The following PRTG variants were observed in gnomAD, a reference collection of about 807,000 sequenced individuals.
PRTG encodes the protein protogenin, also known as immunoglobulin superfamily, DCC subclass, member 5.
Under a neutral mutation model 122.5 loss-of-function variants are expected in PRTG, and 67 were observed. The observed-to-expected ratio is 0.55, with a 90% CI of 0.45 to 0.67. The LOEUF (loss-of-function observed/expected upper bound fraction) is 0.67, where lower values mean the gene tolerates loss of function less well. PRTG is among the 30% of genes least tolerant of loss of function. The probability of loss-of-function intolerance (pLI) is 0.00; values close to 1 mark genes in which losing one functional copy is unlikely to be tolerated. For missense variants in PRTG, 1,435 were observed against 1,415.4 expected, an observed-to-expected ratio of 1.01 and a Z score of -0.22; for synonymous variants, 554 against 501.1, an observed-to-expected ratio of 1.11 and a Z score of -1.41.
intron 15 of PRTG, among the ~76,000 whole-genome samples, chr15:55,631,007 G>C (rs911254865): frequency 2.6e-5 from 4 of 152,158 alleles, no homozygotes; most frequent in African/African-American, 7.2e-5. Context: ...ATAAAGCTGA[G>C]GTCATGAGAC....
intron 15 of PRTG, among the ~76,000 whole-genome samples, chr15:55,630,337 G>A (rs981340617): frequency 6.6e-6 from 1 of 151,760 alleles, no homozygotes; most frequent in Non-Finnish European, 1.5e-5. Context: ...TGGCCAGGCT[G>A]GTTTTGAACT....
At chr15:55,698,761 A>G (rs1407505753) in intron 2 of PRTG, among the ~76,000 whole-genome samples, 1 of 151,994 alleles carries the variant, frequency 6.6e-6, no homozygotes, top group East Asian at 1.9e-4. Context: ...GGTGTGGTAT[A>G]GTGTCAGAAT....
chr15:55,693,240 T>C (rs1393128778), intron 2 of PRTG, among the ~76,000 whole-genome samples: 1 of 152,116 alleles, frequency 6.6e-6, no homozygotes, highest in Non-Finnish European at 1.5e-5. Context: ...GCAGATCACC[T>C]GAGATCGGGT....
At chr15:55,742,488 T>G (rs2141901760) in intron 1 of PRTG, 8 of 209,376 alleles carry the variant, frequency 3.8e-5, no homozygotes, top group East Asian at 1.0e-4. Flanking sequence ...GTCCGGCCGG[T>G]CGCGGAGGCG....
At chr15:55,638,976 TC>T (rs2059274030) in intron 13 of PRTG, among the ~76,000 whole-genome samples, 1 of 151,982 alleles carries the variant, frequency 6.6e-6, no homozygotes, top group Non-Finnish European at 1.5e-5. Flanking sequence ...ATTCATTCAT[TC>T]ATTCATTCAT....
intron 11 of PRTG, among the ~76,000 whole-genome samples, chr15:55,644,953 T>G (rs1254616566): frequency 2.0e-5 from 3 of 152,124 alleles, no homozygotes; most frequent in African/African-American, 7.2e-5. Flanking sequence ...AGTACCAGGT[T>G]AGGGGCAAAG....
At chr15:55,627,288 C>T (rs546038720) in intron 16 of PRTG, among the ~76,000 whole-genome samples, 160 bp from the exon 17 acceptor site, 15 of 151,322 alleles carry the variant, frequency 9.9e-5, no homozygotes, top group Middle Eastern at 3.4e-3. Context: ...AATCTTTAAT[C>T]AGTGATTTCA....
intron 2 of PRTG, among the ~76,000 whole-genome samples, chr15:55,739,113 C>T (rs1423174451): frequency 6.6e-6 from 1 of 152,020 alleles, no homozygotes; most frequent in African/African-American, 2.4e-5. Flanking sequence ...TACAATTAAT[C>T]CTTATTGCAG....
At position 55,614,898 on chromosome 15, in the gene PRTG, C is replaced by T. The variant is rs545789147; in HGVS notation, c.*5114G>A. On this transcript the variant is annotated 3_prime_UTR_variant, in exon 20 of 20. Coordinates refer to ENST00000389286, the MANE Select transcript of PRTG (RefSeq NM_173814.6). Reference sequence around the variant, plus strand: ...TTGTGGGCAAAATACTGGCCACCTACAGAAGTCCATGCCCAAATCCCTGGA... The same window carrying T: ...TTGTGGGCAAAATACTGGCCACCTATAGAAGTCCATGCCCAAATCCCTGGA... The T allele has an allele frequency of 3.9e-5, 6 of 152,200 alleles. No individual in the cohort carries two copies. Among genetic ancestry groups the T allele is most frequent in the African/African-American group, 1.4e-4 (6 of 41,548 alleles). 9.4% of individuals were successfully genotyped at this position (152,200 alleles called of 1,614,324 possible).
At chr15:55,732,487 G>A (rs1439843650) in intron 2 of PRTG, among the ~76,000 whole-genome samples, 2 of 135,066 alleles carry the variant, frequency 1.5e-5, no homozygotes, top group Non-Finnish European at 3.1e-5. Context: ...GCCTGGCCAG[G>A]GTAAACTTTT....
chr15:55,623,719 G>T (rs1448163024), intron 18 of PRTG, among the ~76,000 whole-genome samples: 4 of 152,208 alleles, frequency 2.6e-5, no homozygotes, highest in Non-Finnish European at 4.4e-5. Flanking sequence ...AAGTTGTAAT[G>T]TGACTAAAAA....
intron 11 of PRTG, among the ~76,000 whole-genome samples, chr15:55,651,483 A>G (rs1175402803): frequency 2.6e-5 from 4 of 152,176 alleles, no homozygotes; most frequent in Admixed American, 6.5e-5. Context: ...AAGCTTCTAT[A>G]CCATACCTTC....
chr15:55,672,327 A>G lies in PRTG; in HGVS notation c.2041+118T>C. On this transcript the variant is annotated intron_variant, in intron 11 of 19. Transcript: ENST00000389286. ...GTAGCATATACACACTGACATAGTA[A>G]AATCAATTCTTTTCTTTGTACCATT... is the stretch of plus-strand genomic sequence containing the variant. 3.6e-6 allele frequency: 3 copies of G among 829,032 alleles called. No individual in the cohort carries two copies. In the Admixed American group the frequency reaches 7.7e-5, roughly 21 times the overall value. The allele number at this position is 829,032 out of a possible 1,614,324, so 51.4% of individuals were successfully genotyped here.
chr15:55,641,937 G>C (rs1295324943), intron 11 of PRTG, among the ~76,000 whole-genome samples: 1 of 151,974 alleles, frequency 6.6e-6, no homozygotes, highest in Non-Finnish European at 1.5e-5. Context: ...CACTTTGGGA[G>C]GCCGAGGCGG....
At chr15:55,708,102 A>T (rs2030208239) in intron 2 of PRTG, among the ~76,000 whole-genome samples, 1 of 147,908 alleles carries the variant, frequency 6.8e-6, no homozygotes, top group Non-Finnish European at 1.5e-5. Flanking sequence ...ATTTGCTGAC[A>T]GACAGGACAG....
intron 2 of PRTG, among the ~76,000 whole-genome samples, chr15:55,695,344 ACATAC>A (rs1463909183): frequency 2.6e-5 from 4 of 152,366 alleles, no homozygotes; most frequent in African/African-American, 9.6e-5. Flanking sequence ...GTCTGAAATT[ACATAC>A]CATCTAACAA....
chr15:55,683,224 T>C (rs1424160755), intron 3 of PRTG, among the ~76,000 whole-genome samples: 1 of 152,102 alleles, frequency 6.6e-6, no homozygotes, highest in Non-Finnish European at 1.5e-5. Flanking sequence ...GAATAACTTA[T>C]TCCATCTTAG....
chr15:55,740,707 C>T (rs766306185), intron 1 of PRTG, 23 bp from the exon 2 acceptor site: 11 of 1,580,280 alleles, frequency 7.0e-6, no homozygotes, highest in South Asian at 5.8e-5. Flanking sequence ...AAAAGGAGAA[C>T]GGCACATCCA....
chr15:55,695,601 G>T (rs969910327), intron 2 of PRTG, among the ~76,000 whole-genome samples: 37 of 152,208 alleles, frequency 2.4e-4, no homozygotes, highest in African/African-American at 8.4e-4. Flanking sequence ...GTGGGCAGAA[G>T]CACGTTCCAG....
Sources: allele counts gnomAD v4.1 joint callset (sites outside exome capture counted in the v4.1 genomes callset), GRCh38; gene constraint gnomAD v4.1.1; transcripts MANE v1.5; gene names NCBI Gene and HGNC (gene_info 2026-07-23, HGNC 2026-07-21).